The following MMS19 variants were observed in gnomAD, a reference collection of about 807,000 sequenced individuals.
MMS19 encodes the protein MMS19 cytosolic iron-sulfur assembly component, also known as MMS19 nucleotide excision repair protein homolog.
In MMS19, 77 loss-of-function variants were observed where a neutral mutation model predicts 129.8. The ratio of observed to expected loss-of-function variants is 0.59; its 90% CI spans 0.49 to 0.72. The LOEUF (loss-of-function observed/expected upper bound fraction) is 0.72. MMS19 is among the 30% of genes least tolerant of loss of function. The pLI, the probability that MMS19 is intolerant of heterozygous loss-of-function variation, is 0.00. For synonymous variants in MMS19, 491 were observed against 502.8 expected, an observed-to-expected ratio of 0.98 and a Z score of 0.31; for missense variants, 1,168 against 1,266.3, an observed-to-expected ratio of 0.92 and a Z score of 1.18.
intron 2 of MMS19, 142 bp from the exon 3 acceptor site, chr10:97,481,184 G>A (rs557841809): frequency 3.0e-6 from 2 of 658,200 alleles, no homozygotes; most frequent in African/African-American, 3.7e-5. Context: ...GCCCAGGAAG[G>A]TGTTCCTGAG....
chr10:97,468,357 A>C lies in MMS19; in HGVS notation c.1113T>G (p.Ser371Arg), dbSNP rs1408512610. ...CEPDMKLVWP[S>R]AKLLQAAAGA... ...CTGCAGCTGCCTGCAACAGCTTGGC[A>C]CTAGGCCACACCAGTTTCATGTCCG... is the stretch of plus-strand genomic sequence containing the variant. Residue 371 changes from serine (S) to arginine (R), a missense_variant, in exon 13 of 31, where the codon AGT becomes AGG. Physicochemically the swap from Ser to Arg is moderately radical, Grantham distance 110. This residue lies in a region of MMS19 where 831 missense variants were observed against 910.8 expected (regional missense o/e 0.91). Coordinates refer to ENST00000438925, the MANE Select transcript of MMS19 (RefSeq NM_022362.5). The C allele has an allele frequency of 6.2e-7, 1 of 1,612,740 alleles. No homozygotes were observed. Among genetic ancestry groups the C allele is most frequent in the African/African-American group, 1.3e-5 (1 of 74,904 alleles).
At chr10:97,471,742 C>T (rs981765554) in intron 8 of MMS19, among the ~76,000 whole-genome samples, 8 of 152,092 alleles carry the variant, frequency 5.3e-5, no homozygotes, top group Admixed American at 3.9e-4. Flanking sequence ...AACTCCTGAC[C>T]TCGAATGATC....
At chr10:97,472,782 T>A (rs2135357955) in intron 8 of MMS19, among the ~76,000 whole-genome samples, 2 of 152,102 alleles carry the variant, frequency 1.3e-5, no homozygotes, top group East Asian at 3.9e-4. Context: ...TTAATTTTTG[T>A]ATTTCTTATA....
At chr10:97,468,547 C>A in intron 12 of MMS19, 141 bp from the exon 13 acceptor site, 1 of 763,168 alleles carries the variant, frequency 1.3e-6, no homozygotes, top group South Asian at 2.2e-5. Flanking sequence ...CAAAGTAGGG[C>A]TATCGCCCCC....
chr10:97,459,112 C>G, intron 29 of MMS19, 111 bp downstream of exon 29: 4 of 1,101,430 alleles, frequency 3.6e-6, no homozygotes, highest in Non-Finnish European at 5.2e-6. Context: ...CCTTGTAATT[C>G]AGATCTCAAT....
rs1364789438 is a variant in MMS19 at position 97,460,081 on chromosome 10, G to A, written c.2621C>T (p.Pro874Leu). The A allele has an allele frequency of 1.9e-6, 3 of 1,614,042 alleles. No individual in the cohort carries two copies. The Admixed American group carries it at 5.0e-5, about 27-fold the overall frequency. The change falls in exon 26 of 31, where the codon CCT becomes CTT. Residue 874 changes from proline to leucine, a missense_variant. This residue lies in a region of MMS19 where 831 missense variants were observed against 910.8 expected (regional missense o/e 0.91). Transcript: ENST00000438925. ...AGCATGGAAGCCCTGGACCAAAGCAGGCACATTATCTGTGAAGAACCGCTG... is the reference window on the plus strand; with the variant it reads ...AGCATGGAAGCCCTGGACCAAAGCAAGCACATTATCTGTGAAGAACCGCTG... ...FRQRFFTDNV[P>L]ALVQGFHAAP...
chr10:97,467,034 A>G, intron 14 of MMS19, 133 bp from the exon 15 acceptor site: 1 of 965,798 alleles, frequency 1.0e-6, no homozygotes, highest in Non-Finnish European at 1.5e-6. Context: ...GCTGGAGTGC[A>G]GTGGCGTAAT....
intron 25 of MMS19, 148 bp from the exon 26 acceptor site, chr10:97,460,380 G>A (rs2031440863): frequency 1.4e-6 from 1 of 710,594 alleles, no homozygotes; most frequent in Non-Finnish European, 2.3e-6. Flanking sequence ...CTAGGAGTCT[G>A]GGCAACATGG....
chr10:97,462,210 T>A (rs1447781250), intron 20 of MMS19, 91 bp from the exon 21 acceptor site: 1 of 877,284 alleles, frequency 1.1e-6, no homozygotes, highest in Non-Finnish European at 1.8e-6. Flanking sequence ...AGGGTTTGAA[T>A]TAGGATCACC....
chr10:97,469,790 A>C, intron 10 of MMS19, 67 bp from the exon 11 acceptor site: 28 of 1,378,888 alleles, frequency 2.0e-5, no homozygotes, highest in Non-Finnish European at 2.6e-5. Context: ...CAGGTACCTC[A>C]GCATAATGGC....
chr10:97,479,794 T>C (rs1001040853), intron 3 of MMS19, among the ~76,000 whole-genome samples: 1 of 151,618 alleles, frequency 6.6e-6, no homozygotes, highest in African/African-American at 2.4e-5. Context: ...ATCCAAGTGT[T>C]ATACCAACTA....
At chr10:97,469,747 A>G in intron 10 of MMS19, 24 bp from the exon 11 acceptor site, 5 of 1,605,280 alleles carry the variant, frequency 3.1e-6, no homozygotes, top group Non-Finnish European at 4.3e-6. Flanking sequence ...CGCTGCTATC[A>G]GTTATGTACA....
At chr10:97,474,740 A>G (rs759720723) in intron 8 of MMS19, among the ~76,000 whole-genome samples, 3 of 152,194 alleles carry the variant, frequency 2.0e-5, no homozygotes, top group Non-Finnish European at 4.4e-5. Context: ...TGAATGAGAG[A>G]AATCTTCCTA....
In MMS19 at chr10:97,477,408, T is replaced by C; in HGVS notation, c.432A>G (p.Pro144=). 6.2e-7 allele frequency: 1 copy of C among 1,613,978 alleles called. No homozygotes were observed. Among genetic ancestry groups the C allele is most frequent in the Non-Finnish European group, 8.5e-7 (1 of 1,179,880 alleles). ...IFQEVHVQSL[P]QVDRHTVYNI... ...TGTAGACTGTGTGTCGGTCCACCTG[T>C]GGCAGGGACTTGGGGGTGGGGGAGA... The change falls in exon 6 of 31, where the codon CCA becomes CCG. Residue 144 remains proline, a synonymous_variant. Coordinates refer to ENST00000438925, the MANE Select transcript of MMS19 (RefSeq NM_022362.5).
At chr10:97,484,609 A>C (rs1411281849) in intron 1 of MMS19, among the ~76,000 whole-genome samples, 1 of 152,168 alleles carries the variant, frequency 6.6e-6, no homozygotes, top group Non-Finnish European at 1.5e-5. Context: ...AATCATGGTA[A>C]AATACACTAC....
intron 2 of MMS19, among the ~76,000 whole-genome samples, chr10:97,482,754 A>G (rs2037077583): frequency 6.7e-6 from 1 of 150,048 alleles, no homozygotes; most frequent in Non-Finnish European, 1.5e-5. Flanking sequence ...ACACACACAC[A>G]CACACACACA....
intron 1 of MMS19, among the ~76,000 whole-genome samples, chr10:97,493,409 C>A (rs552365555): frequency 3.5e-4 from 53 of 152,106 alleles, no homozygotes; most frequent in African/African-American, 1.2e-3. Context: ...AGGCCCTGTT[C>A]GCTACAAAAA....
chr10:97,482,657 C>T (rs1049752888), intron 2 of MMS19, among the ~76,000 whole-genome samples: 1 of 150,704 alleles, frequency 6.6e-6, no homozygotes, highest in African/African-American at 2.4e-5. Flanking sequence ...CAGAATTGTA[C>T]ATTTTAAAAT....
At position 97,481,016 on chromosome 10, in the gene MMS19, CG is replaced by C; in HGVS notation, c.187del (p.Arg63GlufsTer29). On this transcript the variant is annotated frameshift_variant, in exon 3 of 31. Coordinates refer to ENST00000438925, the MANE Select transcript of MMS19 (RefSeq NM_022362.5). LOFTEE classifies it high-confidence loss of function. ...LGSSLENPEP[R>X]TRARAIQLLS... ...AAGCTGGATTGCTCGTGCCCGAGTT[CG>C]GGGTTCTGGATTCTCTAGAGAGGAC... The C allele has an allele frequency of 6.2e-7, 1 of 1,607,286 alleles. No homozygotes were observed. Among genetic ancestry groups the C allele is most frequent in the East Asian group, 2.2e-5 (1 of 44,758 alleles).
Sources: gnomAD v4.1 joint callset for allele counts (sites outside exome capture counted in the v4.1 genomes callset) on GRCh38, gnomAD v4.1.1 for gene constraint, gnomAD v4.1.1 regional missense constraint, MANE v1.5 for transcripts, NCBI Gene and HGNC (gene_info 2026-07-23, HGNC 2026-07-21) for gene names.